GPC6: variants seen among roughly 807,000 people sequenced by gnomAD.
The protein encoded by GPC6 is glypican 6.
A neutral mutation model predicts 55.2 loss-of-function variants in GPC6; 14 were observed. The ratio of observed to expected loss-of-function variants is 0.25; its 90% CI spans 0.17 to 0.40. The LOEUF (loss-of-function observed/expected upper bound fraction) is 0.40. Among genes scored for constraint, GPC6 ranks in the 10% least tolerant of loss-of-function variants. The probability of loss-of-function intolerance (pLI) is 1.00; values close to 1 mark genes in which losing one functional copy is unlikely to be tolerated. For missense variants in GPC6, 641 were observed against 708.5 expected (o/e 0.90, Z 1.08); for synonymous variants, 278 against 259.6 (o/e 1.07, Z -0.68).
At chr13:93,300,832 C>T (rs1374379189) in intron 1 of GPC6, among the ~76,000 whole-genome samples, 1 of 151,588 alleles carries the variant, frequency 6.6e-6, no homozygotes, top group African/African-American at 2.4e-5. Flanking sequence ...CCAGTCTGAC[C>T]AACATGAAGA....
rs1193789802 is a variant in GPC6, at chr13:94,113,056, T to C, written c.877+85162T>C. Among the ~76,000 whole-genome samples, 3 of 152,178 alleles carry C rather than the reference T, an allele frequency of 2.0e-5. No individual in the cohort carries two copies. The East Asian group carries it at 5.8e-4, about 29-fold the overall frequency. ...TCATAAAATGTTTTTTGAAAGAAAG[T>C]GTGCTCTTTTCACATAATTTCATTA... On this transcript the variant is annotated intron_variant, in intron 4 of 8. Transcript: ENST00000377047.
At chr13:93,866,406 C>G (rs1157284921) in intron 3 of GPC6, among the ~76,000 whole-genome samples, 1 of 151,542 alleles carries the variant, frequency 6.6e-6, no homozygotes, top group African/African-American at 2.4e-5. Flanking sequence ...TTAGTATATA[C>G]CCAGTAATGG....
intron 3 of GPC6, among the ~76,000 whole-genome samples, chr13:93,833,708 G>A (rs1887620157): frequency 6.6e-6 from 1 of 152,134 alleles, no homozygotes; most frequent in Non-Finnish European, 1.5e-5. Flanking sequence ...TGACACAAAT[G>A]TTTTGACATA....
intron 1 of GPC6, among the ~76,000 whole-genome samples, chr13:93,252,883 A>G (rs1876833211): frequency 6.6e-6 from 1 of 152,242 alleles, no homozygotes; most frequent in Non-Finnish European, 1.5e-5. Context: ...TAAATTGTGT[A>G]ATGTAGAGAC....
rs117020386 is a variant in GPC6, at chr13:94,209,915, A to C, written c.878-76434A>C. Among the ~76,000 whole-genome samples the C allele has an allele frequency of 2.3e-3, 354 of 152,210 alleles. 2 individuals carry two copies. The highest frequency in any genetic ancestry group is 0.023 in the East Asian group (120 of 5,176). On this transcript the variant is annotated intron_variant, in intron 4 of 8. Transcript: ENST00000377047. ...GGCTGGAATGCAGTGGCACGAACAC[A>C]GCTCACTACAGCCCCTCAACATCCA...
At position 93,742,030 on chromosome 13, in the gene GPC6, T is replaced by G. The variant is rs533770585; in HGVS notation, c.320-88124T>G. Among the ~76,000 whole-genome samples the G allele has an allele frequency of 4.6e-5, 7 of 152,360 alleles. 1 individual carries two copies. The South Asian group carries it at 1.4e-3, about 32-fold the overall frequency. On this transcript the variant is annotated intron_variant, in intron 2 of 8. Coordinates refer to ENST00000377047, the MANE Select transcript of GPC6 (RefSeq NM_005708.5). ...TAGAATTGTCTTGAGAGTTGCTTGA[T>G]TAGCCATATCCTGTGTCAGGATTAA...
intron 1 of GPC6, among the ~76,000 whole-genome samples, chr13:93,529,614 T>A (rs1881785571): frequency 6.6e-6 from 1 of 150,518 alleles, no homozygotes; most frequent in East Asian, 1.9e-4. Context: ...CTCCCTGGTT[T>A]CAAGCAATTC....
chr13:93,244,087 T>C (rs538790900), intron 1 of GPC6, among the ~76,000 whole-genome samples: 1 of 152,200 alleles, frequency 6.6e-6, no homozygotes, highest in East Asian at 1.9e-4. Context: ...GCAGGAGCCC[T>C]GATGGGAGTC....
At position 93,933,452 on chromosome 13, in the gene GPC6, G is replaced by A. The variant is rs574273853; in HGVS notation, c.712-94277G>A. On this transcript the variant is annotated intron_variant, in intron 3 of 8. Transcript: ENST00000377047. ...ATCCAACTGCCTAGCTTTAAACCAG[G>A]CTCTACTACTCATTAAAGTGGCCTC... is the stretch of plus-strand genomic sequence containing the variant. 1.8e-4 allele frequency among the ~76,000 whole-genome samples: 28 copies of A among 152,184 alleles called. No homozygotes were observed. In the South Asian group the frequency reaches 5.6e-3, roughly 30 times the overall value.
At chr13:93,394,284 T>C (rs1253083849) in intron 1 of GPC6, among the ~76,000 whole-genome samples, 1 of 152,212 alleles carries the variant, frequency 6.6e-6, no homozygotes, top group Non-Finnish European at 1.5e-5. Context: ...CATTGGACCA[T>C]GAGTTCCTAT....
chr13:93,609,427 G>C (rs1878374608), intron 2 of GPC6, among the ~76,000 whole-genome samples: 4 of 152,080 alleles, frequency 2.6e-5, no homozygotes, highest in Admixed American at 2.6e-4. Context: ...TAGTAGAGAC[G>C]AGGTTTCACC....
intron 2 of GPC6, among the ~76,000 whole-genome samples, chr13:93,588,197 GT>G (rs1877293470): frequency 6.6e-6 from 1 of 152,146 alleles, no homozygotes; most frequent in African/African-American, 2.4e-5. Flanking sequence ...ATTTGCTTTA[GT>G]TTTGTGTATT....
intron 4 of GPC6, among the ~76,000 whole-genome samples, chr13:94,043,813 GTTTA>G (rs1331954893): frequency 6.6e-6 from 1 of 151,658 alleles, no homozygotes; most frequent in African/African-American, 2.4e-5. Context: ...TTTCTGTAGA[GTTTA>G]TTTTGCCTTT....
intron 2 of GPC6, among the ~76,000 whole-genome samples, chr13:93,683,738 C>A (rs1881940640): frequency 6.6e-6 from 1 of 152,100 alleles, no homozygotes; most frequent in Non-Finnish European, 1.5e-5. Flanking sequence ...CATCTTGAAA[C>A]CTTAATTATT....
chr13:93,896,557 A>G (rs1313115157), intron 3 of GPC6, among the ~76,000 whole-genome samples: 2 of 152,128 alleles, frequency 1.3e-5, no homozygotes, highest in African/African-American at 2.4e-5. Context: ...AAAGATGTGT[A>G]GCAGAAAATG....
At chr13:93,557,714 C>T (rs184025968) in intron 2 of GPC6, among the ~76,000 whole-genome samples, 2 of 152,178 alleles carry the variant, frequency 1.3e-5, no homozygotes, top group South Asian at 2.1e-4. Context: ...GTTAGTTCCA[C>T]GACTTAGCTT....
At chr13:94,309,979 A>T (rs767705887) in intron 6 of GPC6, among the ~76,000 whole-genome samples, 10 of 152,186 alleles carry the variant, frequency 6.6e-5, no homozygotes, top group Non-Finnish European at 1.5e-4. Context: ...CTCTTACATA[A>T]TTTGATGTGA....
intron 1 of GPC6, among the ~76,000 whole-genome samples, chr13:93,228,906 G>A (rs1026322638): frequency 6.6e-6 from 1 of 152,132 alleles, no homozygotes; most frequent in Non-Finnish European, 1.5e-5. Context: ...AGAAGTGAGG[G>A]TTTTTACTTA....
intron 1 of GPC6, among the ~76,000 whole-genome samples, chr13:93,482,583 A>C (rs1012979621): frequency 6.6e-6 from 1 of 152,298 alleles, no homozygotes; most frequent in Non-Finnish European, 1.5e-5. Context: ...GAGGTATATT[A>C]GTTGCATTCT....
Sources: gnomAD v4.1 joint callset for allele counts (sites outside exome capture counted in the v4.1 genomes callset) on GRCh38, gnomAD v4.1.1 for gene constraint, MANE v1.5 for transcripts, NCBI Gene and HGNC (gene_info 2026-07-23, HGNC 2026-07-21) for gene names.